The following DENND5A variants were observed in gnomAD, a reference collection of about 807,000 sequenced individuals.
DENND5A encodes the protein DENN domain containing 5A.
Under a neutral mutation model 140.3 loss-of-function variants are expected in DENND5A, and 64 were observed. That is an observed-to-expected ratio of 0.46 (90% confidence interval 0.37 to 0.56). The LOEUF (loss-of-function observed/expected upper bound fraction) is 0.56. Among genes scored for constraint, DENND5A ranks in the 20% least tolerant of loss-of-function variants. The pLI, the probability that DENND5A is intolerant of heterozygous loss-of-function variation, is 0.00. For missense variants in DENND5A, 1,292 were observed against 1,593.8 expected, an observed-to-expected ratio of 0.81 and a Z score of 3.22; for synonymous variants, 605 against 607.7, an observed-to-expected ratio of 1.00 and a Z score of 0.07.
intron 1 of DENND5A, among the ~76,000 whole-genome samples, chr11:9,213,949 C>G (rs988335854): frequency 6.6e-6 from 1 of 152,104 alleles, no homozygotes; most frequent in Non-Finnish European, 1.5e-5. Context: ...TGTAGATCAT[C>G]TGCAGCAAGA....
In DENND5A at chr11:9,178,373, G is replaced by A. The variant is rs186340672; in HGVS notation, c.1672-7C>T. The A allele has an allele frequency of 2.7e-3, 4,251 of 1,566,560 alleles. 13 individuals carry two copies. Among genetic ancestry groups the A allele is most frequent in the Non-Finnish European group, 3.0e-3 (3,360 of 1,137,726 alleles). ...GATCTGACAGAAAAGATGCCTGGTG[G>A]GACCAAAAAGAAGCAGTAATTGACA... On this transcript the variant is annotated splice_region_variant and splice_polypyrimidine_tract_variant and intron_variant, in intron 7 of 22. Coordinates refer to ENST00000328194, the MANE Select transcript of DENND5A (RefSeq NM_015213.4).
intron 1 of DENND5A, among the ~76,000 whole-genome samples, chr11:9,243,103 AACAAAAAAAAAAAC>A (rs1564936204): frequency 7.2e-6 from 1 of 138,062 alleles, no homozygotes; most frequent in Non-Finnish European, 1.5e-5. Context: ...AAAAAAAAAA[AACAAAAAAAAAAAC>A]TGAGGCGAGT....
rs937236945 is a variant in DENND5A, at chr11:9,141,983, C to T, written c.3637G>A (p.Gly1213Ser). 3 of 1,603,204 alleles carry T rather than the reference C, an allele frequency of 1.9e-6. No homozygotes were observed. Among genetic ancestry groups the T allele is most frequent in the African/African-American group, 1.3e-5 (1 of 74,728 alleles). ...AGCATCTGAAACTTGCCATCCTTGCCGATGTTCCGGGGAGTATTGTTGATT... is the reference window on the plus strand; with the variant it reads ...AGCATCTGAAACTTGCCATCCTTGCTGATGTTCCGGGGAGTATTGTTGATT... ...TAINNTPRNIGKDGKFQMLVC... is the reference protein window; with the variant it reads ...TAINNTPRNISKDGKFQMLVC... The change falls in exon 22 of 23, where the codon GGC (glycine) becomes AGC (serine). Residue 1213 changes from glycine (G) to serine (S), a missense_variant. Coordinates refer to ENST00000328194, the MANE Select transcript of DENND5A (RefSeq NM_015213.4).
chr11:9,153,162 C>T (rs540647079), intron 12 of DENND5A, among the ~76,000 whole-genome samples: 1 of 151,316 alleles, frequency 6.6e-6, no homozygotes, highest in Admixed American at 6.6e-5. Context: ...ACTAAAAATA[C>T]AAAAATTAGC....
chr11:9,229,815 C>A (rs1202964456), intron 1 of DENND5A, among the ~76,000 whole-genome samples: 2 of 151,968 alleles, frequency 1.3e-5, no homozygotes, highest in African/African-American at 4.8e-5. Flanking sequence ...ACAGGCCTCT[C>A]CCTTTCTTCA....
At chr11:9,140,342 G>T in intron 22 of DENND5A, 3 of 564,594 alleles carry the variant, frequency 5.3e-6, no homozygotes, top group Non-Finnish European at 6.0e-6. Flanking sequence ...AGATCACATG[G>T]CTAGTAAATG....
chr11:9,182,549 G>A (rs541370995), intron 5 of DENND5A, among the ~76,000 whole-genome samples: 1 of 152,208 alleles, frequency 6.6e-6, no homozygotes, highest in South Asian at 2.1e-4. Flanking sequence ...TAAATACTTT[G>A]TAGTTTAACA....
intron 5 of DENND5A, among the ~76,000 whole-genome samples, chr11:9,188,351 G>A (rs534925631): frequency 1.3e-5 from 2 of 152,182 alleles, no homozygotes; most frequent in East Asian, 3.9e-4. Context: ...CCACTCTCAG[G>A]TATGTCTTTA....
intron 1 of DENND5A, among the ~76,000 whole-genome samples, chr11:9,217,445 C>T (rs1850137830): frequency 6.7e-6 from 1 of 149,448 alleles, no homozygotes; most frequent in African/African-American, 2.5e-5. Flanking sequence ...ACCCAGGAGG[C>T]AGAGGGTGCA....
chr11:9,204,486 C>T (rs1249734604), intron 3 of DENND5A, among the ~76,000 whole-genome samples, 169 bp from the exon 4 acceptor site: 1 of 152,156 alleles, frequency 6.6e-6, no homozygotes, highest in Non-Finnish European at 1.5e-5. Flanking sequence ...AATCATAATG[C>T]AGTCATCAGG....
At chr11:9,251,322 A>G (rs966576885) in intron 1 of DENND5A, among the ~76,000 whole-genome samples, 2 of 152,046 alleles carry the variant, frequency 1.3e-5, no homozygotes, top group African/African-American at 2.4e-5. Context: ...GCCAAGCAAA[A>G]TTTTAACCTG....
intron 1 of DENND5A, among the ~76,000 whole-genome samples, chr11:9,239,376 G>A (rs1851139835): frequency 2.2e-5 from 3 of 138,992 alleles, no homozygotes; most frequent in Non-Finnish European, 3.1e-5. Flanking sequence ...TTGTTCAGTT[G>A]CCCAGGCTGG....
chr11:9,176,167 C>A (rs1158074795), intron 8 of DENND5A, among the ~76,000 whole-genome samples: 1 of 152,144 alleles, frequency 6.6e-6, no homozygotes, highest in East Asian at 1.9e-4. Context: ...TCAGTTAGAA[C>A]ATAGGTTCCT....
In DENND5A at chr11:9,221,905, A is replaced by C. The variant is rs960470916; in HGVS notation, c.110-14273T>G. 4.6e-5 allele frequency among the ~76,000 whole-genome samples: 7 copies of C among 151,934 alleles called. 1 individual carries two copies. In the South Asian group the frequency reaches 1.2e-3, roughly 27 times the overall value. ...CCCAAATAGCTGGAACTACAGGTGC[A>C]TGCCACCACGCCCGGCTAATTTTTT... On this transcript the variant is annotated intron_variant, in intron 1 of 22. Coordinates refer to ENST00000328194, the MANE Select transcript of DENND5A (RefSeq NM_015213.4).
chr11:9,257,949 G>A (rs1225610378), intron 1 of DENND5A, among the ~76,000 whole-genome samples: 6 of 151,238 alleles, frequency 4.0e-5, no homozygotes, highest in African/African-American at 1.2e-4. Flanking sequence ...TGTGCCACCA[G>A]GCCCGGCTAA....
rs765399539 is a variant in DENND5A, at chr11:9,178,331, C to A, written c.1707G>T (p.Leu569=). ...TCTCCAGGAATCTTGAGAGGAAGGGCAGGTAGGGCTCAGGCTGATCTGACA... is the reference window on the plus strand; with the variant it reads ...TCTCCAGGAATCTTGAGAGGAAGGGAAGGTAGGGCTCAGGCTGATCTGACA... ...SFLSDQPEPY[L]PFLSRFLETQ... Residue 569 remains leucine, a synonymous_variant, in exon 8 of 23, where the codon CTG becomes CTT. Coordinates refer to ENST00000328194, the MANE Select transcript of DENND5A (RefSeq NM_015213.4). 9.9e-6 allele frequency: 16 copies of A among 1,613,746 alleles called. No homozygotes were observed. In the South Asian group the frequency reaches 1.6e-4, roughly 17 times the overall value.
intron 5 of DENND5A, among the ~76,000 whole-genome samples, chr11:9,185,085 G>A (rs1848863599): frequency 6.6e-6 from 1 of 152,100 alleles, no homozygotes; most frequent in East Asian, 1.9e-4. Flanking sequence ...CAGCTACTTG[G>A]GAGGCTGAGG....
At chr11:9,239,128 G>C (rs566664636) in intron 1 of DENND5A, among the ~76,000 whole-genome samples, 22 of 151,908 alleles carry the variant, frequency 1.4e-4, no homozygotes, top group African/African-American at 4.1e-4. Context: ...CACTGCGCCC[G>C]GCCTACATCC....
Position 9,265,025 on chromosome 11 carries a change from G to A in DENND5A, c.45C>T (p.Phe15=). ...GGGGGSAPSR[F]ADYFVICGLD... ...GTCCGCAGATGACAAAGTAGTCGGC[G>A]AAGCGACTGGGCGCCGAGCCCCCTC... The change falls in exon 1 of 23, where the codon TTC becomes TTT. Residue 15 remains phenylalanine, a synonymous_variant. Coordinates refer to ENST00000328194, the MANE Select transcript of DENND5A (RefSeq NM_015213.4). This position sits in a 1 kb window ranked among gnomAD's most constrained non-coding sequence, Gnocchi z 4.7. 1 of 1,573,732 alleles carries A rather than the reference G, an allele frequency of 6.4e-7. No individual in the cohort carries two copies. The highest frequency in any genetic ancestry group is 8.6e-7 in the Non-Finnish European group (1 of 1,163,270).
Sources: allele counts gnomAD v4.1 joint callset (sites outside exome capture counted in the v4.1 genomes callset), GRCh38; gene constraint gnomAD v4.1.1; non-coding constraint Gnocchi (gnomAD v3.1); transcripts MANE v1.5; gene names NCBI Gene and HGNC (gene_info 2026-07-23, HGNC 2026-07-21).